Variants in PVT1 observed in about 807,000 individuals in gnomAD.
PVT1 encodes the protein CXCR4/PVT1 fusion.
chr8:127,916,170 G>A (rs1227251496), intron 3 of PVT1, among the ~76,000 whole-genome samples: 1 of 152,236 alleles, frequency 6.6e-6, no homozygotes, highest in Non-Finnish European at 1.5e-5. Context: ...GAGAGCATGA[G>A]AACACTTATC....
At chr8:128,045,301 T>C (rs1195407191) in intron 4 of PVT1, among the ~76,000 whole-genome samples, 1 of 152,158 alleles carries the variant, frequency 6.6e-6, no homozygotes, top group Non-Finnish European at 1.5e-5. Context: ...AAAAAATGTT[T>C]AAGGGGACAT....
At chr8:127,852,056 ACT>A (rs1327794200) in intron 2 of PVT1, 3 of 152,122 alleles carry the variant, frequency 2.0e-5, no homozygotes, top group African/African-American at 7.2e-5. Context: ...ACCATAGGTG[ACT>A]CTGGGTAGCC....
At chr8:128,048,747 G>A (rs1813649990) in intron 4 of PVT1, 1 of 156,598 alleles carries the variant, frequency 6.4e-6, no homozygotes, top group Non-Finnish European at 1.4e-5. Context: ...TGAGGTTGTA[G>A]TGAGGATTAA....
rs1817114872 is a variant in PVT1 at position 127,997,057 on chromosome 8, G to GT, written n.912+7769dup. Among the ~76,000 whole-genome samples, 9 of 113,570 alleles carry GT rather than the reference G, an allele frequency of 7.9e-5. 2 individuals carry two copies. The South Asian group carries it at 2.8e-3, about 36-fold the overall frequency. 74.5% of individuals were successfully genotyped at this position (113,570 alleles called of 152,430 possible). On this transcript the variant is annotated intron_variant and non_coding_transcript_variant, in intron 4 of 10. Transcript: ENST00000651587. ...TCATTTGCTTTCGTTTTTTTTTTTT[G>GT]TTTGTTTGTTTTTTGATACAGAGTT...
chr8:128,043,236 G>A (rs1357253306), intron 4 of PVT1, among the ~76,000 whole-genome samples: 2 of 152,166 alleles, frequency 1.3e-5, no homozygotes. Context: ...TCTGAATTTT[G>A]GATGTAGGCA....
intron 3 of PVT1, among the ~76,000 whole-genome samples, chr8:127,929,496 A>T (rs2129882541): frequency 6.6e-6 from 1 of 152,256 alleles, no homozygotes; most frequent in African/African-American, 2.4e-5. Flanking sequence ...CCCAGGGAAA[A>T]TTTTTTTAAA....
At chr8:128,049,436 G>A (rs774732710) in intron 4 of PVT1, among the ~76,000 whole-genome samples, 2 of 152,230 alleles carry the variant, frequency 1.3e-5, no homozygotes, top group South Asian at 2.1e-4. Flanking sequence ...TAGCTGCAGC[G>A]TCAAGGTCTG....
intron 5 of PVT1, among the ~76,000 whole-genome samples, chr8:128,078,687 A>G (rs982199449): frequency 1.3e-5 from 2 of 152,258 alleles, no homozygotes; most frequent in Non-Finnish European, 2.9e-5. Context: ...GATAAGTCAA[A>G]TATAAGAAAT....
intron 4 of PVT1, among the ~76,000 whole-genome samples, chr8:128,026,368 A>G (rs1210671694): frequency 2.0e-5 from 3 of 151,456 alleles, no homozygotes; most frequent in Non-Finnish European, 4.4e-5. Context: ...GAGTAGGGAG[A>G]GAGAAATTCA....
chr8:128,029,675 C>T (rs1004995837), intron 4 of PVT1, among the ~76,000 whole-genome samples: 1 of 152,022 alleles, frequency 6.6e-6, no homozygotes, highest in Non-Finnish European at 1.5e-5. Flanking sequence ...TGGCGCTAAC[C>T]TTAGTCCCAG....
intron 3 of PVT1, among the ~76,000 whole-genome samples, chr8:127,929,401 ATTTAC>A (rs1373292926): frequency 6.6e-6 from 1 of 152,060 alleles, no homozygotes; most frequent in African/African-American, 2.4e-5. Context: ...GACTTAGATG[ATTTAC>A]TTTCTTCCAG....
At chr8:128,097,388 G>A (rs1289570799) in intron 6 of PVT1, among the ~76,000 whole-genome samples, 1 of 152,048 alleles carries the variant, frequency 6.6e-6, no homozygotes, top group East Asian at 1.9e-4. Flanking sequence ...CAAAAACTAA[G>A]CCTTTGGGCT....
chr8:127,875,341 G>T (rs1462552501), intron 2 of PVT1, among the ~76,000 whole-genome samples: 1 of 145,404 alleles, frequency 6.9e-6, no homozygotes, highest in African/African-American at 2.6e-5. Flanking sequence ...CTCTGTCTCT[G>T]ACTCTGTCTG....
intron 2 of PVT1, among the ~76,000 whole-genome samples, chr8:127,861,912 T>A (rs1251288900): frequency 6.6e-6 from 1 of 152,198 alleles, no homozygotes; most frequent in Non-Finnish European, 1.5e-5. Context: ...TTGCAAGGTA[T>A]AAACCTTTTC....
chr8:128,047,330 CT>C (rs560324712), intron 4 of PVT1, among the ~76,000 whole-genome samples: 19 of 152,302 alleles, frequency 1.2e-4, no homozygotes, highest in Non-Finnish European at 2.4e-4. Flanking sequence ...TGATTCTGAA[CT>C]AAGTCACCAT....
At chr8:127,799,439 T>C (rs897711398) in intron 2 of PVT1, among the ~76,000 whole-genome samples, 1 of 152,194 alleles carries the variant, frequency 6.6e-6, no homozygotes, top group African/African-American at 2.4e-5. Flanking sequence ...AAAGAACTGC[T>C]TTGTCTTCAA....
intron 4 of PVT1, among the ~76,000 whole-genome samples, chr8:128,044,774 T>C (rs1813591867): frequency 6.6e-6 from 1 of 152,244 alleles, no homozygotes; most frequent in Non-Finnish European, 1.5e-5. Context: ...GGCTATTTAC[T>C]ATTATACTTG....
chr8:127,867,378 G>A (rs1301155482), intron 2 of PVT1, among the ~76,000 whole-genome samples: 1 of 152,234 alleles, frequency 6.6e-6, no homozygotes, highest in Admixed American at 6.5e-5. Flanking sequence ...TAGAGGGGTG[G>A]GAGGTGAGGA....
chr8:128,020,093 GCCT>G (rs2130052096), intron 4 of PVT1, among the ~76,000 whole-genome samples: 1 of 152,044 alleles, frequency 6.6e-6, no homozygotes, highest in South Asian at 2.1e-4. Context: ...TAGAACCCAG[GCCT>G]CCTTCTGTGG....
Sources: gnomAD v4.1 joint callset for allele counts (sites outside exome capture counted in the v4.1 genomes callset) on GRCh38, gnomAD v4.1.1 for gene constraint, MANE v1.5 for transcripts, NCBI Gene and HGNC (gene_info 2026-07-23, HGNC 2026-07-21) for gene names.